The following KMT2C variants were observed in gnomAD, a reference collection of about 807,000 sequenced individuals.
KMT2C encodes lysine methyltransferase 2C.
A neutral mutation model predicts 507.9 loss-of-function variants in KMT2C; 88 were observed. That is an observed-to-expected ratio of 0.17 (90% CI 0.15 to 0.21). The LOEUF (loss-of-function observed/expected upper bound fraction) is 0.21, where lower values mean the gene tolerates loss of function less well. Among genes scored for constraint, KMT2C ranks in the 10% least tolerant of loss-of-function variants. The probability of loss-of-function intolerance (pLI) is 1.00; values close to 1 mark genes in which losing one functional copy is unlikely to be tolerated. For missense variants in KMT2C, 4,954 were observed against 5,957.8 expected, an observed-to-expected ratio of 0.83 and a Z score of 5.55; for synonymous variants, 2,049 against 2,080.8, an observed-to-expected ratio of 0.98 and a Z score of 0.42.
chr7:152,156,479 A>G, intron 44 of KMT2C, 133 bp from the exon 45 acceptor site: 2 of 1,124,612 alleles, frequency 1.8e-6, no homozygotes. Flanking sequence ...TATCTTGCAC[A>G]CCAAGAAAAC....
intron 1 of KMT2C, among the ~76,000 whole-genome samples, chr7:152,359,660 C>G (rs1188900024): frequency 6.8e-6 from 1 of 147,794 alleles, no homozygotes. Flanking sequence ...GTAATTCCAG[C>G]TAAAGAAAAA....
In KMT2C at chr7:152,318,538, A is replaced by G. The variant is rs1353237761; in HGVS notation, c.390-3200T>C. ...GCTACTCGGGAGGCTGAGGCAGGGG[A>G]ATTGTTTGAACCAGGGAGGTAGAGG... On this transcript the variant is annotated intron_variant, in intron 3 of 58. Coordinates refer to ENST00000262189, the MANE Select transcript of KMT2C (RefSeq NM_170606.3). 3.6e-5 allele frequency among the ~76,000 whole-genome samples: 5 copies of G among 139,256 alleles called. No individual in the cohort carries two copies. The Admixed American group carries it at 4.0e-4, about 11-fold the overall frequency. 91.4% of individuals were successfully genotyped at this position (139,256 alleles called of 152,430 possible).
At chr7:152,310,338 G>A (rs1176892663) in intron 5 of KMT2C, among the ~76,000 whole-genome samples, 1 of 152,148 alleles carries the variant, frequency 6.6e-6, no homozygotes, top group African/African-American at 2.4e-5. Context: ...CACTTTGGGA[G>A]GCCAACGCTG....
chr7:152,255,476 TTAAA>T (rs2095645353), intron 9 of KMT2C, among the ~76,000 whole-genome samples: 2 of 151,966 alleles, frequency 1.3e-5, no homozygotes, highest in African/African-American at 4.8e-5. Context: ...ACTCAATAAA[TTAAA>T]TGTGATTCCA....
chr7:152,250,784 A>G (rs2095550627), intron 12 of KMT2C, 69 bp downstream of exon 12: 9 of 841,016 alleles, frequency 1.1e-5, no homozygotes, highest in South Asian at 3.1e-5. Context: ...AGTTTTAGTC[A>G]ATATTCACAT....
intron 1 of KMT2C, among the ~76,000 whole-genome samples, chr7:152,385,089 C>T (rs1246335333): frequency 2.6e-5 from 4 of 152,054 alleles, no homozygotes; most frequent in Admixed American, 2.6e-4. Context: ...TGACTCTGAC[C>T]AAGCCTCTGG....
In KMT2C at chr7:152,158,864, T is replaced by C. The variant is rs2129101383; in HGVS notation, c.11669A>G (p.Gln3890Arg). 6.2e-7 allele frequency: 1 copy of C among 1,613,900 alleles called. No individual in the cohort carries two copies. Among genetic ancestry groups the C allele is most frequent in the Non-Finnish European group, 8.5e-7 (1 of 1,179,754 alleles). ...CTGCTCTAAATGACTCACCCTCACC[T>C]GTTTCAAGTGGGTAAACGTGTCAGT... ...SSTDTFTHLK[Q>R]QNNLSNPPTP... Residue 3890 changes from glutamine (Q) to arginine (R), a missense_variant and splice_region_variant, in exon 44 of 59, where the codon CAG becomes CGG. This residue lies in a region of KMT2C where 801 missense variants were observed against 751.2 expected (regional missense o/e 1.07). Transcript: ENST00000262189.
intron 2 of KMT2C, among the ~76,000 whole-genome samples, chr7:152,331,181 G>A (rs1291574099): frequency 1.3e-5 from 2 of 152,008 alleles, no homozygotes; most frequent in Non-Finnish European, 2.9e-5. Flanking sequence ...GGTGGTGAGT[G>A]CTTATAATGT....
intron 6 of KMT2C, among the ~76,000 whole-genome samples, chr7:152,292,357 CTG>C (rs1274186294): frequency 2.0e-5 from 3 of 152,120 alleles, no homozygotes; most frequent in Non-Finnish European, 4.4e-5. Flanking sequence ...TACTGACAAA[CTG>C]TAACTATGTC....
intron 42 of KMT2C, 69 bp downstream of exon 42, chr7:152,167,077 T>C (rs1176078497): frequency 7.8e-7 from 1 of 1,288,192 alleles, no homozygotes; most frequent in Non-Finnish European, 1.1e-6. Flanking sequence ...AAGTCACTAA[T>C]GAACAACACA....
At chr7:152,187,574 A>G in intron 32 of KMT2C, 98 bp from the exon 33 acceptor site, 1 of 1,421,094 alleles carries the variant, frequency 7.0e-7, no homozygotes, top group South Asian at 1.3e-5. Flanking sequence ...AAAACAGTTA[A>G]AAGTAACATA....
chr7:152,149,537 G>C (rs543822679), intron 51 of KMT2C, among the ~76,000 whole-genome samples: 2 of 152,366 alleles, frequency 1.3e-5, no homozygotes, highest in African/African-American at 4.8e-5. Flanking sequence ...CAATGGAACA[G>C]TGTTTTTTGT....
intron 2 of KMT2C, among the ~76,000 whole-genome samples, chr7:152,349,361 T>C (rs1469510750): frequency 1.3e-5 from 2 of 151,706 alleles, no homozygotes; most frequent in African/African-American, 4.8e-5. Flanking sequence ...GGAGAATCAC[T>C]TGAAACCGGG....
intron 7 of KMT2C, among the ~76,000 whole-genome samples, chr7:152,268,040 G>T (rs1305199582): frequency 2.6e-5 from 4 of 152,152 alleles, no homozygotes; most frequent in African/African-American, 9.7e-5. Flanking sequence ...AGCACTCTGG[G>T]AGGCCAAAGC....
chr7:152,349,705 TATA>T (rs2097094907), intron 2 of KMT2C, among the ~76,000 whole-genome samples: 1 of 152,050 alleles, frequency 6.6e-6, no homozygotes, highest in South Asian at 2.1e-4. Flanking sequence ...ACTATGATAC[TATA>T]ATGACAGATA....
At position 152,185,066 on chromosome 7, in the gene KMT2C, T is replaced by C. The variant is rs146117491; in HGVS notation, c.5082+492A>G. On this transcript the variant is annotated intron_variant, in intron 34 of 58. Transcript: ENST00000262189. ...GTCACTGTGCCTGGCCCCTCCTGTA[T>C]ACTTTAAGTCATCTTTAGATTACTT... Among the ~76,000 whole-genome samples the C allele has an allele frequency of 7.4e-4, 112 of 152,336 alleles. 1 individual carries two copies. The highest frequency in any genetic ancestry group is 3.9e-4 in the Admixed American group (6 of 15,304).
At chr7:152,292,662 G>A (rs1394854528) in intron 6 of KMT2C, among the ~76,000 whole-genome samples, 1 of 152,070 alleles carries the variant, frequency 6.6e-6, no homozygotes, top group Non-Finnish European at 1.5e-5. Flanking sequence ...GACCCCACAG[G>A]CTGTCATTTG....
intron 1 of KMT2C, among the ~76,000 whole-genome samples, chr7:152,397,705 T>A (rs2097545629): frequency 6.6e-6 from 1 of 152,076 alleles, no homozygotes. Context: ...AAGAATTGAA[T>A]CATAGGGGTG....
rs1271034580 is a variant in KMT2C, at chr7:152,182,098, G to A, written c.5762C>T (p.Ala1921Val). 6.2e-7 allele frequency: 1 copy of A among 1,614,220 alleles called. No homozygotes were observed. The change falls in exon 36 of 59, where the codon GCA becomes GTA. Residue 1921 changes from alanine to valine, a missense_variant. Transcript: ENST00000262189. The part of the protein sequence containing the change: ...GHSFSRRNSA[A>V]PVENCTPLSS... Reference sequence around the variant, plus strand: ...TAAAGGTGTACAGTTTTCCACTGGTGCAGCAGAATTTCTTCTGGAAAAACT... The same window carrying A: ...TAAAGGTGTACAGTTTTCCACTGGTACAGCAGAATTTCTTCTGGAAAAACT...
Sources: gnomAD v4.1 joint callset for allele counts (sites outside exome capture counted in the v4.1 genomes callset) on GRCh38, gnomAD v4.1.1 for gene constraint, gnomAD v4.1.1 regional missense constraint, MANE v1.5 for transcripts, NCBI Gene and HGNC (gene_info 2026-07-23, HGNC 2026-07-21) for gene names.